Variants in PDCD2L observed in about 807,000 individuals in gnomAD.
The protein encoded by PDCD2L is programmed cell death 2 like, also known as uS5 assembly chaperone PDCD2L.
PDCD2L carries 44 observed loss-of-function variants against 40.4 expected under a neutral mutation model. The ratio of observed to expected loss-of-function variants is 1.09; its 90% CI spans 0.86 to 1.40. The LOEUF (loss-of-function observed/expected upper bound fraction) is 1.40, where lower values mean the gene tolerates loss of function less well. Among genes scored for constraint, PDCD2L ranks in the 40% most tolerant of loss-of-function variants. The pLI, the probability that PDCD2L is intolerant of heterozygous loss-of-function variation, is 0.00. For synonymous variants in PDCD2L, 194 were observed against 174.6 expected, an observed-to-expected ratio of 1.11 and a Z score of -0.88; for missense variants, 470 against 453.7, an observed-to-expected ratio of 1.04 and a Z score of -0.33.
intron 3 of PDCD2L, among the ~76,000 whole-genome samples, chr19:34,407,873 G>A (rs1033193078): frequency 4.6e-5 from 7 of 152,112 alleles, no homozygotes; most frequent in African/African-American, 1.7e-4. Flanking sequence ...ACACAATTTA[G>A]CCTCCCTTTG....
chr19:34,424,184 T>C (rs1274445891), intron 6 of PDCD2L, among the ~76,000 whole-genome samples: 17 of 152,134 alleles, frequency 1.1e-4, no homozygotes, highest in Non-Finnish European at 4.4e-5. Flanking sequence ...GGCATTCTAG[T>C]CTCTGAGATT....
chr19:34,404,456 TG>T lies in PDCD2L; in HGVS notation c.27del (p.Leu10TrpfsTer147), dbSNP rs778858521. 69 of 1,545,024 alleles carry T rather than the reference TG, an allele frequency of 4.5e-5. No individual in the cohort carries two copies. The South Asian group carries it at 8.2e-4, about 18-fold the overall frequency. MAAVLKPV[L>X]LGLRDAPVHG... is the part of the protein sequence containing the mutation. ...ATGGCGGCCGTTCTGAAGCCGGTGCTGCTGGGCCTTCGAGATGCGCCGGTGC... is the reference window on the plus strand; with the variant it reads ...ATGGCGGCCGTTCTGAAGCCGGTGCTCTGGGCCTTCGAGATGCGCCGGTGC... On this transcript the variant is annotated frameshift_variant, in exon 1 of 7. Transcript: ENST00000246535. LOFTEE classifies it high-confidence loss of function.
intron 5 of PDCD2L, 42 bp downstream of exon 5, chr19:34,413,889 T>C: frequency 1.6e-6 from 2 of 1,228,490 alleles, no homozygotes; most frequent in Non-Finnish European, 2.4e-6. Context: ...TCCTTGATTA[T>C]AAAGGAATAC....
intron 6 of PDCD2L, among the ~76,000 whole-genome samples, chr19:34,425,553 TG>T (rs1268627927): frequency 6.6e-6 from 1 of 152,014 alleles, no homozygotes; most frequent in Non-Finnish European, 1.5e-5. Context: ...TTGTTTGTTT[TG>T]TTTTTTGTAG....
intron 3 of PDCD2L, among the ~76,000 whole-genome samples, chr19:34,406,532 G>A (rs574461707): frequency 1.3e-5 from 2 of 151,866 alleles, no homozygotes; most frequent in Admixed American, 1.3e-4. Context: ...ACAGGCGCCC[G>A]CCACCACGGC....
rs1033058277 is a variant in PDCD2L at position 34,413,786 on chromosome 19, G to A, written c.736G>A (p.Gly246Arg). 6.2e-7 allele frequency: 1 copy of A among 1,608,350 alleles called. No homozygotes were observed. Among genetic ancestry groups the A allele is most frequent in the African/African-American group, 1.3e-5 (1 of 74,866 alleles). ...EKYEKTIIKS[G>R]DQTFYKFMKR... ...ATATGAGAAGACCATAATTAAAAGT[G>A]GAGATCAGACGTTTTACAAATTCAT... The change falls in exon 5 of 7, where the codon GGA (glycine) becomes AGA (arginine). Residue 246 changes from glycine to arginine, a missense_variant. By Grantham distance (125) the Gly-to-Arg change is moderately radical. Coordinates refer to ENST00000246535, the MANE Select transcript of PDCD2L (RefSeq NM_032346.2).
chr19:34,412,179 C>T (rs1400147814), intron 4 of PDCD2L, among the ~76,000 whole-genome samples: 1 of 151,254 alleles, frequency 6.6e-6, no homozygotes, highest in African/African-American at 2.4e-5. Flanking sequence ...ACCACCATGC[C>T]CAGCTAATTT....
Position 34,421,638 on chromosome 19 carries a change from T to G in PDCD2L, c.917T>G (p.Leu306Arg). ...RIFEFQLMPA[L>R]VSMLKSANLG... ...TTTGAGTTTCAGCTTATGCCAGCAC[T>G]GGTCAGCATGCTCAAGAGTGCTAAT... Residue 306 changes from leucine (L) to arginine (R), a missense_variant, in exon 6 of 7, where the codon CTG becomes CGG. Leu to Arg is a moderately radical substitution (Grantham distance 102). Coordinates refer to ENST00000246535, the MANE Select transcript of PDCD2L (RefSeq NM_032346.2). 6.2e-7 allele frequency: 1 copy of G among 1,614,092 alleles called. No homozygotes were observed. The highest frequency in any genetic ancestry group is 8.5e-7 in the Non-Finnish European group (1 of 1,179,976).
intron 6 of PDCD2L, chr19:34,422,211 G>A (rs948574650): frequency 2.8e-5 from 4 of 144,944 alleles, no homozygotes; most frequent in Admixed American, 7.0e-5. Flanking sequence ...GCAGTGGCAC[G>A]TTCTTGGCTC....
intron 6 of PDCD2L, among the ~76,000 whole-genome samples, chr19:34,425,618 C>T (rs1027306534): frequency 2.0e-5 from 3 of 152,092 alleles, no homozygotes; most frequent in South Asian, 2.1e-4. Context: ...CCTTCCCCGT[C>T]GGCCTCCCAA....
At chr19:34,415,084 CA>C (rs2075121279) in intron 5 of PDCD2L, among the ~76,000 whole-genome samples, 2 of 152,132 alleles carry the variant, frequency 1.3e-5, no homozygotes, top group African/African-American at 4.8e-5. Flanking sequence ...CGGCATCAGC[CA>C]CGACCCTTGG....
At chr19:34,420,790 TAAAAAA>T (rs36111473) in intron 5 of PDCD2L, among the ~76,000 whole-genome samples, 1 of 142,882 alleles carries the variant, frequency 7.0e-6, no homozygotes, top group East Asian at 2.0e-4. Context: ...AGGCTTTATC[TAAAAAA>T]AAAAAAAAAA....
chr19:34,420,721 G>T (rs914728439), intron 5 of PDCD2L, among the ~76,000 whole-genome samples: 6 of 151,926 alleles, frequency 3.9e-5, no homozygotes, highest in African/African-American at 1.4e-4. Flanking sequence ...GAGCCCAGGG[G>T]GTCAAGGCTG....
At chr19:34,424,530 G>A (rs2075167008) in intron 6 of PDCD2L, among the ~76,000 whole-genome samples, 1 of 152,050 alleles carries the variant, frequency 6.6e-6, no homozygotes, top group Non-Finnish European at 1.5e-5. Flanking sequence ...CCTTTGACTT[G>A]GGGTTTTATA....
At chr19:34,408,203 C>T (rs988635200) in intron 3 of PDCD2L, among the ~76,000 whole-genome samples, 9 of 152,214 alleles carry the variant, frequency 5.9e-5, no homozygotes, top group Non-Finnish European at 8.8e-5. Flanking sequence ...ACACTGGGCC[C>T]GGCCTGCACC....
At chr19:34,417,803 G>C (rs1246455492) in intron 5 of PDCD2L, among the ~76,000 whole-genome samples, 1 of 152,074 alleles carries the variant, frequency 6.6e-6, no homozygotes, top group Non-Finnish European at 1.5e-5. Context: ...AATAGAGAAC[G>C]CAATAGATGG....
chr19:34,416,225 AATTTTCAGTTAATAAT>A (rs758520677), intron 5 of PDCD2L, among the ~76,000 whole-genome samples: 2 of 151,988 alleles, frequency 1.3e-5, no homozygotes, highest in Non-Finnish European at 2.9e-5. Context: ...CCGGCCTAAG[AATTTTCAGTTAATAAT>A]ATTATGTCTG....
chr19:34,420,401 A>C lies in PDCD2L; in HGVS notation c.798-1118A>C, dbSNP rs529077299. Among the ~76,000 whole-genome samples, 139 of 150,854 alleles carry C rather than the reference A, an allele frequency of 9.2e-4. 1 individual carries two copies. The South Asian group carries it at 0.014, about 16-fold the overall frequency. On this transcript the variant is annotated intron_variant, in intron 5 of 6. Transcript: ENST00000246535. ...TCATCTTGTCCATGGGTCTCCTTGC[A>C]TTAACTTTCTTTATGGGGTAAATTT...
At position 34,404,749 on chromosome 19, in the gene PDCD2L, C is replaced by A; in HGVS notation, c.209C>A (p.Pro70Gln). The A allele has an allele frequency of 6.2e-7, 1 of 1,611,780 alleles. No homozygotes were observed. The change falls in exon 2 of 7, where the codon CCG (proline) becomes CAG (glutamine). Residue 70 changes from proline (P) to glutamine (Q), a missense_variant. By Grantham distance (76) the Pro-to-Gln change is moderately conservative. Coordinates refer to ENST00000246535, the MANE Select transcript of PDCD2L (RefSeq NM_032346.2). The stretch of plus-strand genomic sequence containing the variant: ...GTGTATTGCCCGCTGGAAGGCTCCC[C>A]GTTTCACCGTCTGCTGCACGTGTTC... ...VQVYCPLEGSPFHRLLHVFAC... is the reference protein window; with the variant it reads ...VQVYCPLEGSQFHRLLHVFAC...
Sources: allele counts gnomAD v4.1 joint callset (sites outside exome capture counted in the v4.1 genomes callset), GRCh38; gene constraint gnomAD v4.1.1; transcripts MANE v1.5; gene names NCBI Gene and HGNC (gene_info 2026-07-23, HGNC 2026-07-21).